SYNE2: variants seen among roughly 807,000 people sequenced by gnomAD.
SYNE2 encodes the protein spectrin repeat containing nuclear envelope protein 2.
Under a neutral mutation model 856.3 loss-of-function variants are expected in SYNE2, and 431 were observed. The observed-to-expected ratio is 0.50, with a 90% confidence interval of 0.47 to 0.55. The LOEUF (loss-of-function observed/expected upper bound fraction) is 0.55, where lower values mean the gene tolerates loss of function less well. Ranked by LOEUF, SYNE2 falls within the 20% of genes least tolerant of loss-of-function variation. The probability of loss-of-function intolerance (pLI) is 0.00; values close to 1 mark genes in which losing one functional copy is unlikely to be tolerated. For missense variants in SYNE2, 8,129 were observed against 8,023.2 expected, an observed-to-expected ratio of 1.01 and a Z score of -0.50; for synonymous variants, 2,923 against 2,872.3, an observed-to-expected ratio of 1.02 and a Z score of -0.56.
At chr14:63,998,134 T>C in intron 25 of SYNE2, 85 bp from the exon 26 acceptor site, 1 of 972,048 alleles carries the variant, frequency 1.0e-6, no homozygotes, top group African/African-American at 1.6e-5. Context: ...GAATCAATGA[T>C]ACATTTTTGA....
At chr14:63,842,077 G>A (rs139913209) in intron 1 of SYNE2, among the ~76,000 whole-genome samples, 41 of 151,764 alleles carry the variant, frequency 2.7e-4, no homozygotes, top group African/African-American at 8.9e-4. Flanking sequence ...CTCATGATCC[G>A]CTTGCCTCAG....
chr14:63,946,446 A>G (rs1294406235), intron 6 of SYNE2, among the ~76,000 whole-genome samples: 3 of 151,376 alleles, frequency 2.0e-5, no homozygotes, highest in African/African-American at 7.3e-5. Flanking sequence ...ATACACATAC[A>G]CATATATACT....
chr14:63,933,449 G>A (rs1028738539), intron 2 of SYNE2, among the ~76,000 whole-genome samples: 7 of 152,088 alleles, frequency 4.6e-5, no homozygotes, highest in Admixed American at 6.6e-5. Context: ...TGAGTTGCCC[G>A]CTCACAAAAG....
intron 64 of SYNE2, among the ~76,000 whole-genome samples, chr14:64,105,117 A>G (rs1385232308): frequency 6.6e-6 from 1 of 152,060 alleles, no homozygotes; most frequent in Non-Finnish European, 1.5e-5. Context: ...TATTTTTGCC[A>G]TCGTCTTATT....
intron 1 of SYNE2, among the ~76,000 whole-genome samples, chr14:63,786,190 C>T (rs1473268556): frequency 1.3e-5 from 2 of 150,714 alleles, no homozygotes; most frequent in African/African-American, 4.9e-5. Context: ...GCGGAGTTTG[C>T]AGTGAACTGA....
chr14:64,013,751 C>G (rs1474235732), intron 32 of SYNE2, among the ~76,000 whole-genome samples: 2 of 152,032 alleles, frequency 1.3e-5, no homozygotes, highest in Non-Finnish European at 2.9e-5. Context: ...ACAAACCTCC[C>G]CAGTTATTGA....
intron 45 of SYNE2, among the ~76,000 whole-genome samples, chr14:64,044,315 A>G (rs948513677): frequency 2.0e-5 from 3 of 152,162 alleles, no homozygotes; most frequent in African/African-American, 4.8e-5. Flanking sequence ...GTTTTGGCCA[A>G]TTTATCCCAT....
At chr14:63,989,927 G>A (rs1207622820) in intron 19 of SYNE2, among the ~76,000 whole-genome samples, 1 of 152,236 alleles carries the variant, frequency 6.6e-6, no homozygotes, top group Admixed American at 6.5e-5. Context: ...TAGGATTACA[G>A]GCGTGAGCCA....
At chr14:64,190,967 G>A (rs1453190745) in intron 99 of SYNE2, 4 of 702,306 alleles carry the variant, frequency 5.7e-6, no homozygotes, top group South Asian at 1.5e-5. Flanking sequence ...ACAGCGAACC[G>A]TCACTTGGCC....
intron 68 of SYNE2, among the ~76,000 whole-genome samples, chr14:64,121,354 C>T (rs1374000375): frequency 6.6e-6 from 1 of 151,954 alleles, no homozygotes; most frequent in Non-Finnish European, 1.5e-5. Context: ...AACCCTAGCT[C>T]TACTAAAAAT....
chr14:64,022,740 T>C lies in SYNE2; in HGVS notation c.5525-11T>C, dbSNP rs1186914371. On this transcript the variant is annotated splice_polypyrimidine_tract_variant and intron_variant, in intron 37 of 115. Coordinates refer to ENST00000555002, the MANE Select transcript of SYNE2 (RefSeq NM_182914.3). ...CCTTGAATGAATAGAGCTTTTTTTTTCCCCCTGCAGATCAATGCAAGAACT... is the reference window on the plus strand; with the variant it reads ...CCTTGAATGAATAGAGCTTTTTTTTCCCCCCTGCAGATCAATGCAAGAACT... 27 of 1,403,724 alleles carry C rather than the reference T, an allele frequency of 1.9e-5. No homozygotes were observed. In the East Asian group the frequency reaches 2.8e-4, roughly 14 times the overall value. The allele number at this position is 1,403,724 out of a possible 1,614,324, so 87.0% of individuals were successfully genotyped here. A position where few individuals can be genotyped will look rare whatever the true frequency, so the allele number is the denominator to read the frequency against.
rs777915067 is a variant in SYNE2, at chr14:64,225,336, G to A, written c.20534G>A (p.Arg6845Gln). 40 of 1,613,934 alleles carry A rather than the reference G, an allele frequency of 2.5e-5. No individual in the cohort carries two copies. Among genetic ancestry groups the A allele is most frequent in the African/African-American group, 4.0e-5 (3 of 74,888 alleles). Residue 6845 changes from arginine to glutamine, a missense_variant, in exon 116 of 116, where the codon CGG becomes CAG. By Grantham distance (43) the Arg-to-Gln change is conservative (BLOSUM62 1). Coordinates refer to ENST00000555002, the MANE Select transcript of SYNE2 (RefSeq NM_182914.3). ...GTTGGCAGGGTCCCCGGCAGCACAC[G>A]GCCACAGCGCTCCTTCCTCTCAAGG... is the stretch of plus-strand genomic sequence containing the variant. ...ETESRVPGST[R>Q]PQRSFLSRVV... is the part of the protein sequence containing the mutation.
intron 27 of SYNE2, among the ~76,000 whole-genome samples, chr14:63,999,728 G>C (rs2096739662): frequency 6.6e-6 from 1 of 152,162 alleles, no homozygotes; most frequent in Non-Finnish European, 1.5e-5. Flanking sequence ...CGCCCTGAGT[G>C]CATTAGAGGG....
intron 70 of SYNE2, among the ~76,000 whole-genome samples, chr14:64,122,812 G>A (rs1429442899): frequency 6.6e-6 from 1 of 152,140 alleles, no homozygotes; most frequent in Non-Finnish European, 1.5e-5. Context: ...TGTATTTTAA[G>A]AAACACTTGG....
intron 103 of SYNE2, among the ~76,000 whole-genome samples, chr14:64,210,394 G>T (rs2098634100): frequency 2.6e-5 from 4 of 152,196 alleles, no homozygotes; most frequent in African/African-American, 9.7e-5. Context: ...GTAACCCGTG[G>T]TGGTGTGCAT....
intron 1 of SYNE2, among the ~76,000 whole-genome samples, chr14:63,778,822 A>AT (rs1887201213): frequency 6.6e-6 from 1 of 151,722 alleles, no homozygotes; most frequent in Non-Finnish European, 1.5e-5. Flanking sequence ...GCCCATTATT[A>AT]TTTTTTTGGA....
intron 33 of SYNE2, among the ~76,000 whole-genome samples, chr14:64,016,923 G>A (rs2096896216): frequency 6.6e-6 from 1 of 152,004 alleles, no homozygotes; most frequent in South Asian, 2.1e-4. Context: ...TTTTGGTTGA[G>A]TAGTAATGAT....
intron 1 of SYNE2, among the ~76,000 whole-genome samples, chr14:63,772,247 G>C (rs1020320515): frequency 6.6e-6 from 1 of 151,888 alleles, no homozygotes; most frequent in Non-Finnish European, 1.5e-5. Context: ...CCAGCTACTT[G>C]GGGGGCTGAG....
rs967279610 is a variant in SYNE2 at position 64,045,622 on chromosome 14, T to G, written c.7222-2378T>G. Among the ~76,000 whole-genome samples the G allele has an allele frequency of 2.0e-5, 3 of 152,170 alleles. No individual in the cohort carries two copies. In the East Asian group the frequency reaches 5.8e-4, roughly 29 times the overall value. Reference sequence around the variant, plus strand: ...TTTCCCCTGTGAGATGCTGCTGCCCTAGGTGTAGATTTTCGCCACAGTGTG... The same window carrying G: ...TTTCCCCTGTGAGATGCTGCTGCCCGAGGTGTAGATTTTCGCCACAGTGTG... On this transcript the variant is annotated intron_variant, in intron 45 of 115. Transcript: ENST00000555002.
Sources: gnomAD v4.1 joint callset for allele counts (sites outside exome capture counted in the v4.1 genomes callset) on GRCh38, gnomAD v4.1.1 for gene constraint, MANE v1.5 for transcripts, NCBI Gene and HGNC (gene_info 2026-07-23, HGNC 2026-07-21) for gene names.